Variants in ERI1 observed in about 807,000 individuals in gnomAD.
The protein encoded by ERI1 is 3'-5' exoribonuclease 1.
A neutral mutation model predicts 39.7 loss-of-function variants in ERI1; 39 were observed. The ratio of observed to expected loss-of-function variants is 0.98; its 90% CI spans 0.76 to 1.28. The LOEUF (loss-of-function observed/expected upper bound fraction) is 1.28. ERI1 is among the 50% of genes most tolerant of loss of function. The probability of loss-of-function intolerance (pLI) is 0.00; values close to 1 mark genes in which losing one functional copy is unlikely to be tolerated. For synonymous variants in ERI1, 204 were observed against 149.6 expected (o/e 1.36, Z -2.65); for missense variants, 581 against 416.9 (o/e 1.39, Z -3.43).
intron 3 of ERI1, among the ~76,000 whole-genome samples, chr8:9,060,240 G>A (rs559863971): frequency 1.3e-5 from 2 of 152,090 alleles, no homozygotes; most frequent in Non-Finnish European, 2.9e-5. Context: ...AGGCCAAACC[G>A]AGGAATTATG....
chr8:9,040,629 G>A (rs73524261), intron 3 of ERI1, among the ~76,000 whole-genome samples: 2,193 of 152,146 alleles, frequency 0.014, 44 homozygotes, highest in African/African-American at 0.05. Flanking sequence ...TGGCCCTAGG[G>A]TTAGACATAT....
Position 9,011,762 on chromosome 8 carries a change from T to C in ERI1, c.498+10T>C, listed in dbSNP as rs1816697804. The C allele has an allele frequency of 6.4e-7, 1 of 1,573,848 alleles. No homozygotes were observed. The highest frequency in any genetic ancestry group is 1.4e-5 in the African/African-American group (1 of 73,448). ...GCATACTTTAGAAATAGTAAGTGAA[T>C]TTTTGTATTTTAATTGTATTTCTAG... is the stretch of plus-strand genomic sequence containing the variant. On this transcript the variant is annotated intron_variant, in intron 3 of 6. Coordinates refer to ENST00000250263, the MANE Select transcript of ERI1 (RefSeq NM_153332.4).
chr8:9,065,250 C>G (rs1798837644), intron 3 of ERI1, among the ~76,000 whole-genome samples: 2 of 152,138 alleles, frequency 1.3e-5, no homozygotes. Flanking sequence ...CTGGAATGCT[C>G]AGAATAAGAT....
intron 3 of ERI1, among the ~76,000 whole-genome samples, chr8:9,098,150 G>A (rs1799936733): frequency 6.6e-6 from 1 of 152,212 alleles, no homozygotes; most frequent in Admixed American, 6.5e-5. Flanking sequence ...TTGGGAGGCT[G>A]GGGTGGGCTG....
chr8:9,040,881 C>T (rs557242547), intron 3 of ERI1, among the ~76,000 whole-genome samples: 1 of 152,258 alleles, frequency 6.6e-6, no homozygotes, highest in Non-Finnish European at 1.5e-5. Context: ...AGCCCGCCAG[C>T]ACCAAGCCTT....
intron 3 of ERI1, among the ~76,000 whole-genome samples, chr8:9,085,108 G>A (rs980737741): frequency 6.6e-6 from 1 of 152,136 alleles, no homozygotes; most frequent in African/African-American, 2.4e-5. Context: ...AATCTGCTTT[G>A]TAACAAACCC....
intron 6 of ERI1, among the ~76,000 whole-genome samples, chr8:9,023,401 A>C (rs192770637): frequency 5.8e-4 from 89 of 152,248 alleles, no homozygotes; most frequent in African/African-American, 2.0e-3. Flanking sequence ...AATTTTTATT[A>C]TTAAAAATTA....
At chr8:9,065,144 C>G (rs770053184) in intron 3 of ERI1, among the ~76,000 whole-genome samples, 2 of 152,110 alleles carry the variant, frequency 1.3e-5, no homozygotes, top group Non-Finnish European at 2.9e-5. Flanking sequence ...TGGATGTGTA[C>G]GTGCAGGCCA....
At chr8:9,076,179 A>C (rs529314983) in intron 3 of ERI1, among the ~76,000 whole-genome samples, 1 of 152,328 alleles carries the variant, frequency 6.6e-6, no homozygotes, top group African/African-American at 2.4e-5. Context: ...CCTGGGCTCA[A>C]GTGGTCCTCC....
chr8:9,085,301 T>C (rs1161416713), intron 3 of ERI1, among the ~76,000 whole-genome samples: 1 of 152,128 alleles, frequency 6.6e-6, no homozygotes, highest in Admixed American at 6.5e-5. Context: ...CTCTGCCTCC[T>C]GGGTTCAAGT....
At chr8:9,067,172 C>T (rs371273347) in intron 3 of ERI1, among the ~76,000 whole-genome samples, 1 of 151,866 alleles carries the variant, frequency 6.6e-6, no homozygotes, top group Non-Finnish European at 1.5e-5. Context: ...AAATATAAGC[C>T]CCCATTATTG....
chr8:9,098,757 A>T (rs2117499672), intron 3 of ERI1, among the ~76,000 whole-genome samples: 1 of 152,312 alleles, frequency 6.6e-6, no homozygotes, highest in East Asian at 1.9e-4. Flanking sequence ...AATAGAAAAA[A>T]ATGTTAAACA....
intron 3 of ERI1, among the ~76,000 whole-genome samples, chr8:9,050,141 T>C (rs1798309778): frequency 1.3e-5 from 2 of 149,970 alleles, no homozygotes; most frequent in South Asian, 4.3e-4. Flanking sequence ...TAAAGCACTT[T>C]ACAGAGTGCC....
chr8:9,005,558 A>G (rs988373776), intron 1 of ERI1, among the ~76,000 whole-genome samples: 2 of 139,960 alleles, frequency 1.4e-5, no homozygotes, highest in African/African-American at 5.5e-5. Context: ...TCTGTTGCCC[A>G]GGCTGGAGTG....
intron 3 of ERI1, among the ~76,000 whole-genome samples, chr8:9,038,941 C>T (rs1338303017): frequency 6.6e-6 from 1 of 152,120 alleles, no homozygotes; most frequent in Non-Finnish European, 1.5e-5. Context: ...CTTTAATTTC[C>T]GTGACAAAAA....
chr8:9,094,811 T>G (rs1483855437), intron 3 of ERI1, among the ~76,000 whole-genome samples: 4 of 152,132 alleles, frequency 2.6e-5, no homozygotes, highest in Admixed American at 2.6e-4. Context: ...TTTGCTAAAT[T>G]TAAAGACTCA....
chr8:9,011,470 C>T (rs1312323250), intron 2 of ERI1, 72 bp from the exon 3 acceptor site: 2 of 996,726 alleles, frequency 2.0e-6, no homozygotes, highest in East Asian at 2.5e-5. Flanking sequence ...CAGCCCAGTG[C>T]CAGCAGGTGA....
intron 6 of ERI1, among the ~76,000 whole-genome samples, chr8:9,028,043 A>T (rs983199041): frequency 6.6e-5 from 10 of 152,330 alleles, no homozygotes; most frequent in South Asian, 2.1e-4. Context: ...TTCTTTCCTC[A>T]TGAGGTCTTT....
intron 6 of ERI1, among the ~76,000 whole-genome samples, chr8:9,025,742 A>G (rs565032348): frequency 6.6e-6 from 1 of 151,562 alleles, no homozygotes; most frequent in Non-Finnish European, 1.5e-5. Flanking sequence ...AATGTACATA[A>G]TACAGGTTGA....
Sources: gnomAD v4.1 joint callset for allele counts (sites outside exome capture counted in the v4.1 genomes callset) on GRCh38, gnomAD v4.1.1 for gene constraint, MANE v1.5 for transcripts, NCBI Gene and HGNC (gene_info 2026-07-23, HGNC 2026-07-21) for gene names.